Variants in BPTF observed in about 807,000 individuals in gnomAD.
The protein encoded by BPTF is nucleosome-remodeling factor subunit BPTF.
Under a neutral mutation model 292.5 loss-of-function variants are expected in BPTF, and 18 were observed. The observed-to-expected ratio is 0.06, with a 90% CI of 0.04 to 0.09. The LOEUF (loss-of-function observed/expected upper bound fraction) is 0.09. BPTF is among the 10% of genes least tolerant of loss of function. The pLI is 1.00. For synonymous variants in BPTF, 1,225 were observed against 1,251.9 expected, an observed-to-expected ratio of 0.98 and a Z score of 0.45; for missense variants, 2,726 against 3,498.7, an observed-to-expected ratio of 0.78 and a Z score of 5.57.
chr17:67,964,178 T>C lies in BPTF; in HGVS notation c.8262-34T>C, dbSNP rs781785941. The stretch of plus-strand genomic sequence containing the variant: ...ATTATAAGTAACATCATCCCATGTG[T>C]TTTGAACTCACATTTCCATTTCGGA... On this transcript the variant is annotated intron_variant, in intron 24 of 27. Coordinates refer to ENST00000306378, the MANE Select transcript of BPTF (RefSeq NM_182641.4). The C allele has an allele frequency of 3.8e-6, 6 of 1,590,262 alleles. No homozygotes were observed. In the East Asian group the frequency reaches 1.4e-4, roughly 36 times the overall value.
At chr17:67,875,748 C>A in intron 4 of BPTF, 1 of 1,563,350 alleles carries the variant, frequency 6.4e-7, no homozygotes, top group Non-Finnish European at 8.7e-7. Flanking sequence ...GTGCCAGGTA[C>A]AGAGGGCAGC....
chr17:67,960,959 C>A (rs1273403467), intron 24 of BPTF, among the ~76,000 whole-genome samples: 1 of 152,198 alleles, frequency 6.6e-6, no homozygotes, highest in Non-Finnish European at 1.5e-5. Flanking sequence ...TATCTTATCT[C>A]ATTGGAAATT....
intron 4 of BPTF, among the ~76,000 whole-genome samples, chr17:67,880,120 T>A (rs2060302984): frequency 6.6e-6 from 1 of 152,196 alleles, no homozygotes; most frequent in African/African-American, 2.4e-5. Flanking sequence ...ATCTTTTTTA[T>A]ATATATAGGG....
chr17:67,978,130 G>C (rs1401001732), intron 27 of BPTF, among the ~76,000 whole-genome samples: 1 of 147,912 alleles, frequency 6.8e-6, no homozygotes, highest in Admixed American at 6.7e-5. Context: ...CTGGGATTAC[G>C]GGCGTGAGCC....
At chr17:67,886,301 A>G (rs745998280) in intron 4 of BPTF, 2 of 1,610,670 alleles carry the variant, frequency 1.2e-6, no homozygotes, top group African/African-American at 2.7e-5. Flanking sequence ...ACCTGTCTCT[A>G]TTCAGGAAGA....
Position 67,946,192 on chromosome 17 carries a change from C to T in BPTF, c.7484C>T (p.Ala2495Val). 8 of 1,614,164 alleles carry T rather than the reference C, an allele frequency of 5.0e-6. No individual in the cohort carries two copies. The highest frequency in any genetic ancestry group is 6.8e-6 in the Non-Finnish European group (8 of 1,180,022). The change falls in exon 21 of 28, where the codon GCC becomes GTC. Residue 2495 changes from alanine (A) to valine (V), a missense_variant. Physicochemically the swap from Ala to Val is moderately conservative, Grantham distance 64. Transcript: ENST00000306378. Reference sequence around the variant, plus strand: ...CAGAATGTGGTTACAGTGCAGGCAGCCAGTGTGCAAGAGCAGTTGCAAAGG... The same window carrying T: ...CAGAATGTGGTTACAGTGCAGGCAGTCAGTGTGCAAGAGCAGTTGCAAAGG... Reference protein sequence around the residue: ...QIQNVVTVQAASVQEQLQRVQ... With the variant: ...QIQNVVTVQAVSVQEQLQRVQ...
At chr17:67,872,671 A>C (rs749523063) in intron 3 of BPTF, among the ~76,000 whole-genome samples, 21 of 152,082 alleles carry the variant, frequency 1.4e-4, no homozygotes, top group Non-Finnish European at 2.8e-4. Flanking sequence ...ACGCCACTGC[A>C]CTCCAGCCTG....
chr17:67,963,691 A>G (rs1389895371), intron 24 of BPTF, among the ~76,000 whole-genome samples: 4 of 152,026 alleles, frequency 2.6e-5, no homozygotes, highest in African/African-American at 9.7e-5. Flanking sequence ...ATCTTGCTTC[A>G]TAGTGAATGT....
chr17:67,958,137 G>A (rs2067126705), intron 23 of BPTF, among the ~76,000 whole-genome samples: 1 of 151,988 alleles, frequency 6.6e-6, no homozygotes, highest in Non-Finnish European at 1.5e-5. Flanking sequence ...AGACCAGCCT[G>A]GCCAACATGG....
intron 2 of BPTF, among the ~76,000 whole-genome samples, chr17:67,859,452 G>A (rs1277775538): frequency 2.0e-5 from 3 of 152,186 alleles, no homozygotes; most frequent in Admixed American, 2.0e-4. Context: ...TGCCTTGCAG[G>A]CACTATTTTT....
chr17:67,883,484 T>C (rs1161926352), intron 4 of BPTF, among the ~76,000 whole-genome samples: 2 of 152,234 alleles, frequency 1.3e-5, no homozygotes, highest in Admixed American at 1.3e-4. Flanking sequence ...ACGGGAGATA[T>C]TCAGAGAATT....
chr17:67,957,796 C>T (rs1168126074), intron 23 of BPTF, among the ~76,000 whole-genome samples: 1 of 152,112 alleles, frequency 6.6e-6, no homozygotes, highest in African/African-American at 2.4e-5. Context: ...GTCAAGGCTA[C>T]AGCAAGCCGT....
Position 67,909,718 on chromosome 17 carries a change from A to C in BPTF, c.2949A>C (p.Gln983His), listed in dbSNP as rs760297149. 1.1e-5 allele frequency: 18 copies of C among 1,590,064 alleles called. No individual in the cohort carries two copies. Among genetic ancestry groups the C allele is most frequent in the Non-Finnish European group, 1.5e-5 (18 of 1,171,684 alleles). Residue 983 changes from glutamine (Q) to histidine (H), a missense_variant, in exon 10 of 28, where the codon CAA (glutamine) becomes CAC (histidine). Coordinates refer to ENST00000306378, the MANE Select transcript of BPTF (RefSeq NM_182641.4). The stretch of plus-strand genomic sequence containing the variant: ...CAGATGCTGCAAAAGGAGCAGACCA[A>C]AATGAAATGGATATCTCAAAGATTA... The part of the protein sequence containing the change: ...KGSDAAKGAD[Q>H]NEMDISKITE...
intron 7 of BPTF, among the ~76,000 whole-genome samples, chr17:67,896,174 G>C (rs570342782): frequency 4.6e-5 from 7 of 152,272 alleles, no homozygotes; most frequent in African/African-American, 1.7e-4. Flanking sequence ...GTGTTAGCCA[G>C]GATGGTCTCC....
intron 1 of BPTF, among the ~76,000 whole-genome samples, chr17:67,842,402 C>T (rs2057627503): frequency 6.6e-6 from 1 of 152,134 alleles, no homozygotes; most frequent in African/African-American, 2.4e-5. Flanking sequence ...CATTTAGTTT[C>T]CCCAACTTTC....
chr17:67,827,837 C>G (rs997067830), intron 1 of BPTF, among the ~76,000 whole-genome samples: 1 of 151,676 alleles, frequency 6.6e-6, no homozygotes, highest in Non-Finnish European at 1.5e-5. Flanking sequence ...GGCAGGCTGT[C>G]TGGTGAATGA....
intron 7 of BPTF, among the ~76,000 whole-genome samples, chr17:67,903,586 A>G (rs1467953028): frequency 7.2e-5 from 11 of 152,190 alleles, no homozygotes; most frequent in Admixed American, 7.2e-4. Flanking sequence ...AGGATATAGT[A>G]TTTCTTGTTT....
chr17:67,942,283 C>G (rs1196964934), intron 19 of BPTF, among the ~76,000 whole-genome samples: 1 of 151,204 alleles, frequency 6.6e-6, no homozygotes, highest in East Asian at 1.9e-4. Context: ...CCACTGCACT[C>G]CAACCTAGGC....
intron 15 of BPTF, among the ~76,000 whole-genome samples, chr17:67,926,477 A>G (rs554117169): frequency 6.6e-6 from 1 of 151,262 alleles, no homozygotes; most frequent in East Asian, 2.0e-4. Context: ...GGCGCCCGCC[A>G]CCACGCCTGG....
Sources: allele counts gnomAD v4.1 joint callset (sites outside exome capture counted in the v4.1 genomes callset), GRCh38; gene constraint gnomAD v4.1.1; transcripts MANE v1.5; gene names NCBI Gene and HGNC (gene_info 2026-07-23, HGNC 2026-07-21).